The following ZNF541 variants were observed in gnomAD, a reference collection of about 807,000 sequenced individuals.
ZNF541 encodes the protein zinc finger protein 541.
A neutral mutation model predicts 123.5 loss-of-function variants in ZNF541; 23 were observed. The observed-to-expected ratio is 0.19, with a 90% CI of 0.13 to 0.26. The LOEUF (loss-of-function observed/expected upper bound fraction) is 0.26. ZNF541 is among the 10% of genes least tolerant of loss of function. The pLI, the probability that ZNF541 is intolerant of heterozygous loss-of-function variation, is 1.00. For synonymous variants in ZNF541, 751 were observed against 754.5 expected, an observed-to-expected ratio of 1.00 and a Z score of 0.08; for missense variants, 1,612 against 1,789.9, an observed-to-expected ratio of 0.90 and a Z score of 1.79.
rs1416579786 is a variant in ZNF541, at chr19:47,532,250, C to T, written c.3179G>A (p.Arg1060Gln). 3.9e-6 allele frequency: 6 copies of T among 1,552,028 alleles called. No homozygotes were observed. Among genetic ancestry groups the T allele is most frequent in the Admixed American group, 2.0e-5 (1 of 50,990 alleles). The change falls in exon 11 of 17, where the codon CGG becomes CAG. Residue 1060 changes from arginine to glutamine, a missense_variant. Coordinates refer to ENST00000391901, the MANE Select transcript of ZNF541 (RefSeq NM_001277075.3). ...GAGTTCCGGGATCTCTGCCTGAAAC[C>T]GGCTTCCTATATTGATATGTCTGAA... is the stretch of plus-strand genomic sequence containing the variant. ...SIEPHINIGS[R>Q]FQAEIPELQE...
In ZNF541 at chr19:47,521,144, G is replaced by T; in HGVS notation, c.*80C>A. 6.7e-7 allele frequency: 1 copy of T among 1,484,546 alleles called. No individual in the cohort carries two copies. The highest frequency in any genetic ancestry group is 9.0e-7 in the Non-Finnish European group (1 of 1,107,480). 92.0% of individuals were successfully genotyped at this position (1,484,546 alleles called of 1,614,324 possible). On this transcript the variant is annotated 3_prime_UTR_variant, in exon 17 of 17. Transcript: ENST00000391901. This position sits in a 1 kb window ranked among gnomAD's most constrained non-coding sequence, Gnocchi z 4.2. ...ACAGGGAGGGTGGGGGGAGGCAGAGGGGTGCCCCAAACGCCCTGGAGAGGC... is the reference window on the plus strand; with the variant it reads ...ACAGGGAGGGTGGGGGGAGGCAGAGTGGTGCCCCAAACGCCCTGGAGAGGC...
chr19:47,569,592 GT>G (rs1285146176), intron 2 of ZNF541, among the ~76,000 whole-genome samples: 1 of 152,070 alleles, frequency 6.6e-6, no homozygotes, highest in Non-Finnish European at 1.5e-5. Context: ...GCTGGGCAAG[GT>G]CATTCTCGCC....
chr19:47,548,722 G>A (rs997147735), intron 4 of ZNF541, among the ~76,000 whole-genome samples: 9 of 152,178 alleles, frequency 5.9e-5, no homozygotes, highest in Non-Finnish European at 1.0e-4. Context: ...CCTCACAGGC[G>A]TGAATTTAGG....
intron 2 of ZNF541, among the ~76,000 whole-genome samples, chr19:47,570,871 C>G (rs1173177143): frequency 4.6e-5 from 7 of 150,836 alleles, no homozygotes; most frequent in Non-Finnish European, 1.0e-4. Context: ...TTGCTTGAAC[C>G]CAGGAGGCAG....
At chr19:47,546,474 T>C (rs1202215263) in intron 4 of ZNF541, among the ~76,000 whole-genome samples, 1 of 151,624 alleles carries the variant, frequency 6.6e-6, no homozygotes, top group Non-Finnish European at 1.5e-5. Flanking sequence ...ATCACACCAC[T>C]GCACTCCAGC....
intron 9 of ZNF541, among the ~76,000 whole-genome samples, chr19:47,537,557 C>T (rs1306775706): frequency 1.6e-5 from 2 of 128,328 alleles, no homozygotes; most frequent in East Asian, 4.4e-4. Flanking sequence ...GAGTGATACT[C>T]TGTCTCAAAA....
intron 14 of ZNF541, 68 bp from the exon 15 acceptor site, chr19:47,522,062 G>A: frequency 6.5e-7 from 1 of 1,535,166 alleles, no homozygotes; most frequent in Non-Finnish European, 8.8e-7. Flanking sequence ...CTTGCCATTG[G>A]GCCGGCCGCC....
rs1339525075 is a variant in ZNF541, at chr19:47,545,422, C to T, written c.1107G>A (p.Glu369=). The T allele has an allele frequency of 2.7e-6, 4 of 1,488,652 alleles. No homozygotes were observed. The highest frequency in any genetic ancestry group is 3.6e-6 in the Non-Finnish European group (4 of 1,116,684). The allele number at this position is 1,488,652 out of a possible 1,614,324, so 92.2% of individuals were successfully genotyped here. Residue 369 remains glutamate, a synonymous_variant, in exon 5 of 17, where the codon GAG becomes GAA. Transcript: ENST00000391901. The surrounding 1 kb of genome is among the most constrained non-coding windows in gnomAD (Gnocchi z 7.5). ...ENGAPDPPEP[E]PDTALLQARS... ...GGGCCTGGAGCAGCGCGGTATCTGGCTCCGGCTCTGGCGGGTCGGGGGCGC... is the reference window on the plus strand; with the variant it reads ...GGGCCTGGAGCAGCGCGGTATCTGGTTCCGGCTCTGGCGGGTCGGGGGCGC...
chr19:47,548,442 CA>C (rs574466068), intron 4 of ZNF541, among the ~76,000 whole-genome samples: 668 of 60,382 alleles, frequency 0.011, 5 homozygotes, highest in East Asian at 0.041. Flanking sequence ...GACTCCATCT[CA>C]AAAAAAAAAA....
intron 14 of ZNF541, among the ~76,000 whole-genome samples, chr19:47,528,598 G>A (rs905091341): frequency 3.3e-5 from 5 of 152,014 alleles, no homozygotes; most frequent in Non-Finnish European, 7.4e-5. Context: ...GATTACAGGC[G>A]TAAGCCACCA....
Position 47,545,020 on chromosome 19 carries a change from C to T in ZNF541, c.1509G>A (p.Lys503=). The T allele has an allele frequency of 6.6e-7, 1 of 1,506,860 alleles. No individual in the cohort carries two copies. Among genetic ancestry groups the T allele is most frequent in the Non-Finnish European group, 8.8e-7 (1 of 1,132,896 alleles). 93.3% of individuals were successfully genotyped at this position (1,506,860 alleles called of 1,614,324 possible). ...SGEDDPCAPK[K]VKVDCDSFLC... is the part of the protein sequence containing the mutation. ...GGAAGGAGTCGCAGTCGACCTTGAC[C>T]TTCTTGGGGGCGCAGGGGTCATCTT... is the stretch of plus-strand genomic sequence containing the variant. Residue 503 remains lysine, a synonymous_variant, in exon 5 of 17, where the codon AAG becomes AAA. Transcript: ENST00000391901. The surrounding 1 kb of genome is among the most constrained non-coding windows in gnomAD (Gnocchi z 7.5).
At chr19:47,564,360 C>T (rs186077273) in intron 2 of ZNF541, among the ~76,000 whole-genome samples, 1 of 152,194 alleles carries the variant, frequency 6.6e-6, no homozygotes, top group Admixed American at 6.6e-5. Context: ...AAGCAAAACC[C>T]TCTCTACCGA....
chr19:47,536,214 C>T (rs150435233), intron 9 of ZNF541, among the ~76,000 whole-genome samples: 503 of 152,292 alleles, frequency 3.3e-3, no homozygotes, highest in Non-Finnish European at 6.3e-3. Context: ...AACCTTCCAG[C>T]GTGGGTGTCA....
intron 2 of ZNF541, among the ~76,000 whole-genome samples, chr19:47,566,188 A>T (rs945107035): frequency 1.3e-5 from 2 of 151,970 alleles, no homozygotes; most frequent in African/African-American, 4.8e-5. Context: ...AAAAAAAATA[A>T]AATAAAATTT....
chr19:47,558,818 C>T (rs1970941178), intron 2 of ZNF541, among the ~76,000 whole-genome samples: 1 of 151,278 alleles, frequency 6.6e-6, no homozygotes, highest in South Asian at 2.1e-4. Flanking sequence ...CATCTCCGCT[C>T]ACTGCAAGCT....
intron 13 of ZNF541, among the ~76,000 whole-genome samples, chr19:47,529,329 C>G (rs1047750983): frequency 5.3e-5 from 8 of 152,222 alleles, no homozygotes; most frequent in African/African-American, 1.9e-4. Flanking sequence ...TTCCCTCCCC[C>G]TGGCCATGAT....
intron 13 of ZNF541, 87 bp from the exon 14 acceptor site, chr19:47,529,125 A>G (rs1969444682): frequency 1.0e-6 from 1 of 977,576 alleles, no homozygotes; most frequent in African/African-American, 1.6e-5. Flanking sequence ...TCCCATTTAT[A>G]GCTGCCATTA....
chr19:47,569,662 A>C (rs1262557799), intron 2 of ZNF541, among the ~76,000 whole-genome samples: 1 of 152,040 alleles, frequency 6.6e-6, no homozygotes, highest in Non-Finnish European at 1.5e-5. Context: ...CAGGAGTTCA[A>C]GACCAGCCCG....
chr19:47,570,196 C>A (rs58668668), intron 2 of ZNF541, among the ~76,000 whole-genome samples: 1,906 of 151,562 alleles, frequency 0.013, 40 homozygotes, highest in African/African-American at 0.043. Context: ...ATGGTGTGAA[C>A]CCAGGAGGTA....
Sources: gnomAD v4.1 joint callset for allele counts (sites outside exome capture counted in the v4.1 genomes callset) on GRCh38, gnomAD v4.1.1 for gene constraint, Gnocchi (gnomAD v3.1) non-coding constraint, MANE v1.5 for transcripts, NCBI Gene and HGNC (gene_info 2026-07-23, HGNC 2026-07-21) for gene names.